The following CACNB4 variants were observed in gnomAD, a reference collection of about 807,000 sequenced individuals.
The protein encoded by CACNB4 is voltage-dependent L-type calcium channel subunit beta-4.
A neutral mutation model predicts 71.2 loss-of-function variants in CACNB4; 32 were observed. That is an observed-to-expected ratio of 0.45 (90% CI 0.34 to 0.60). The LOEUF is 0.60. CACNB4 is among the 20% of genes least tolerant of loss of function. The probability of loss-of-function intolerance (pLI) is 0.01; values close to 1 mark genes in which losing one functional copy is unlikely to be tolerated. For synonymous variants in CACNB4, 231 were observed against 236.9 expected (o/e 0.97, Z 0.23); for missense variants, 464 against 647.9 (o/e 0.72, Z 3.08).
chr2:151,921,882 T>C (rs1247603707), intron 2 of CACNB4, among the ~76,000 whole-genome samples: 1 of 152,038 alleles, frequency 6.6e-6, no homozygotes, highest in Admixed American at 6.6e-5. Flanking sequence ...CCCCTTCCCC[T>C]TCGCCTTCCG....
At chr2:152,053,874 C>G (rs946672692) in intron 2 of CACNB4, among the ~76,000 whole-genome samples, 1 of 152,086 alleles carries the variant, frequency 6.6e-6, no homozygotes, top group African/African-American at 2.4e-5. Flanking sequence ...GGGAATCCCT[C>G]AGTTAGAAGT....
In CACNB4 at chr2:152,018,782, C is replaced by T. The variant is rs981784676; in HGVS notation, c.147+79548G>A. 8.9e-5 allele frequency among the ~76,000 whole-genome samples: 13 copies of T among 146,374 alleles called. No individual in the cohort carries two copies. In the Admixed American group the frequency reaches 9.1e-4, roughly 10 times the overall value. ...TTGCACCACTGCACTCCACCCTGGG[C>T]AACATAGTAAGACCCTGTCTCAAAA... On this transcript the variant is annotated intron_variant, in intron 2 of 13. Transcript: ENST00000539935.
chr2:152,088,380 A>G (rs922404467), intron 2 of CACNB4, among the ~76,000 whole-genome samples: 1 of 152,222 alleles, frequency 6.6e-6, no homozygotes, highest in Non-Finnish European at 1.5e-5. Context: ...GATTTTCCAT[A>G]TGTTATCAAT....
chr2:152,087,431 CA>C (rs754057435), intron 2 of CACNB4, among the ~76,000 whole-genome samples: 518 of 79,434 alleles, frequency 6.5e-3, no homozygotes, highest in African/African-American at 0.015. Flanking sequence ...GACCCCATCT[CA>C]AAAAAAAAAA....
At chr2:151,864,465 C>T (rs753244820) in intron 9 of CACNB4, among the ~76,000 whole-genome samples, 6 of 152,156 alleles carry the variant, frequency 3.9e-5, no homozygotes, top group Non-Finnish European at 8.8e-5. Flanking sequence ...TGTATTTCCA[C>T]GCTGGTAACG....
chr2:152,054,253 C>G (rs918367182), intron 2 of CACNB4, among the ~76,000 whole-genome samples: 5 of 151,204 alleles, frequency 3.3e-5, no homozygotes, highest in Non-Finnish European at 5.9e-5. Context: ...GTAGTCCCAG[C>G]TACACGGGAG....
intron 2 of CACNB4, among the ~76,000 whole-genome samples, chr2:152,096,969 C>T (rs1688304784): frequency 6.6e-6 from 1 of 152,110 alleles, no homozygotes; most frequent in Admixed American, 6.5e-5. Flanking sequence ...CCAGCAAGAC[C>T]TCAAACAGTT....
intron 2 of CACNB4, among the ~76,000 whole-genome samples, chr2:151,965,313 C>T (rs2099870789): frequency 6.6e-6 from 1 of 152,188 alleles, no homozygotes; most frequent in Admixed American, 6.5e-5. Context: ...TCAGGACTGA[C>T]TTTTTCTCTC....
intron 12 of CACNB4, among the ~76,000 whole-genome samples, chr2:151,846,052 AC>A (rs2099837476): frequency 6.6e-6 from 1 of 152,186 alleles, no homozygotes; most frequent in South Asian, 2.1e-4. Context: ...GGAAATGAAT[AC>A]TTGCAAGGTC....
chr2:151,935,537 T>G (rs1046397138), intron 2 of CACNB4, among the ~76,000 whole-genome samples: 1 of 152,366 alleles, frequency 6.6e-6, no homozygotes, highest in Non-Finnish European at 1.5e-5. Context: ...AAATACAACC[T>G]GGTTATCTGA....
At chr2:151,857,912 G>A (rs2099840690) in intron 10 of CACNB4, 1 of 152,252 alleles carries the variant, frequency 6.6e-6, no homozygotes, top group South Asian at 2.1e-4. Context: ...ACAGGCACTT[G>A]GGCAGAGGAA....
chr2:152,070,071 C>T (rs139945461), intron 2 of CACNB4, among the ~76,000 whole-genome samples: 2,285 of 152,160 alleles, frequency 0.015, 54 homozygotes, highest in African/African-American at 0.052. Context: ...TCTCGATCTC[C>T]TGACCTCGTG....
chr2:152,055,960 C>G (rs1685700632), intron 2 of CACNB4, among the ~76,000 whole-genome samples: 1 of 152,166 alleles, frequency 6.6e-6, no homozygotes. Context: ...ATGGTTTCTA[C>G]TCACCACCAC....
chr2:151,855,680 T>G (rs921173243), intron 10 of CACNB4, among the ~76,000 whole-genome samples: 2 of 152,236 alleles, frequency 1.3e-5, no homozygotes, highest in African/African-American at 4.8e-5. Context: ...TGTTGTTTTG[T>G]TCTAAAGAAC....
At chr2:152,038,119 G>A (rs535290269) in intron 2 of CACNB4, among the ~76,000 whole-genome samples, 3 of 152,374 alleles carry the variant, frequency 2.0e-5, no homozygotes, top group Non-Finnish European at 4.4e-5. Context: ...TTGGAGGCAG[G>A]AGGTGGGGGT....
At chr2:151,924,073 C>CTTTTT (rs59036016) in intron 2 of CACNB4, among the ~76,000 whole-genome samples, 1,922 of 91,436 alleles carry the variant, frequency 0.021, 35 homozygotes, top group Non-Finnish European at 0.03. Flanking sequence ...ATTCTGAAAT[C>CTTTTT]TTTTTTTTTT....
intron 2 of CACNB4, among the ~76,000 whole-genome samples, chr2:152,030,790 T>C (rs1684244438): frequency 6.6e-6 from 1 of 152,254 alleles, no homozygotes; most frequent in South Asian, 2.1e-4. Flanking sequence ...TCCTTTTTTA[T>C]GGCTGCATAG....
intron 3 of CACNB4, 112 bp from the exon 4 acceptor site, chr2:151,881,034 C>A: frequency 9.3e-7 from 1 of 1,076,328 alleles, no homozygotes; most frequent in Non-Finnish European, 1.3e-6. Flanking sequence ...AAAGAGGGAT[C>A]TCAAATGAGT....
Position 151,839,237 on chromosome 2 carries a change from C to T in CACNB4, c.1445G>A (p.Arg482Gln), listed in dbSNP as rs1277708441. 4.3e-6 allele frequency: 7 copies of T among 1,613,740 alleles called. No homozygotes were observed. The highest frequency in any genetic ancestry group is 3.3e-5 in the South Asian group (3 of 91,066). ...NRLSSSSQHS[R>Q]DHYPLVEEDY... ...TTCTTCCACAAGAGGGTAATGATCT[C>T]GGCTATGCTGAGAACTGGAAGACAA... The change falls in exon 14 of 14, where the codon CGA (arginine) becomes CAA (glutamine). Residue 482 changes from arginine to glutamine, a missense_variant. By Grantham distance (43) the Arg-to-Gln change is conservative. Coordinates refer to ENST00000539935, the MANE Select transcript of CACNB4 (RefSeq NM_000726.5).
Sources: gnomAD v4.1 joint callset for allele counts (sites outside exome capture counted in the v4.1 genomes callset) on GRCh38, gnomAD v4.1.1 for gene constraint, MANE v1.5 for transcripts, NCBI Gene and HGNC (gene_info 2026-07-23, HGNC 2026-07-21) for gene names.